The following ACSBG2 variants were observed in gnomAD, a reference collection of about 807,000 sequenced individuals.
The protein encoded by ACSBG2 is acyl-CoA synthetase bubblegum family member 2, also known as long-chain-fatty-acid--CoA ligase ACSBG2.
Under a neutral mutation model 74.7 loss-of-function variants are expected in ACSBG2, and 62 were observed. That is an observed-to-expected ratio of 0.83 (90% CI 0.68 to 1.03). The LOEUF is 1.03. Among genes scored for constraint, ACSBG2 ranks in the 50% least tolerant of loss-of-function variants. The pLI is 0.00. For synonymous variants in ACSBG2, 309 were observed against 294.1 expected (o/e 1.05, Z -0.52); for missense variants, 730 against 817.6 (o/e 0.89, Z 1.31).
At chr19:6,190,545 T>C (rs1600145863) in intron 13 of ACSBG2, 39 bp from the exon 14 acceptor site, 1 of 1,583,756 alleles carries the variant, frequency 6.3e-7, no homozygotes. Flanking sequence ...TAATTTTCTT[T>C]TATCTCCACA....
In ACSBG2 at chr19:6,183,031, A is replaced by C; in HGVS notation, c.1089-8A>C. The C allele has an allele frequency of 6.2e-7, 1 of 1,614,028 alleles. No homozygotes were observed. The highest frequency in any genetic ancestry group is 1.6e-4 in the Middle Eastern group (1 of 6,062). On this transcript the variant is annotated splice_region_variant and splice_polypyrimidine_tract_variant and intron_variant, in intron 9 of 14. Coordinates refer to ENST00000588485, the MANE Select transcript of ACSBG2 (RefSeq NM_030924.5). ...CCCTTCTCCACTTGACGGCATTCTT[A>C]TTCACAGGAAATATAATACTCCCGT...
At chr19:6,156,617 T>G (rs756965347) in intron 5 of ACSBG2, 66 bp downstream of exon 5, 21 of 1,434,972 alleles carry the variant, frequency 1.5e-5, no homozygotes, top group Non-Finnish European at 1.9e-5. Flanking sequence ...TGGGCAGGTG[T>G]TCTTTTTTTC....
chr19:6,165,305 C>A (rs2089759130), intron 6 of ACSBG2, among the ~76,000 whole-genome samples: 1 of 152,154 alleles, frequency 6.6e-6, no homozygotes, highest in Non-Finnish European at 1.5e-5. Context: ...TCTCAGAATT[C>A]CCAGGTAAAG....
intron 4 of ACSBG2, among the ~76,000 whole-genome samples, chr19:6,154,020 C>T (rs1328055764): frequency 1.3e-5 from 2 of 151,852 alleles, no homozygotes; most frequent in East Asian, 1.9e-4. Context: ...ATCTCATCAT[C>T]GAGACTAACA....
chr19:6,153,880 A>AAAGAAAAAAGAAAAG (rs55724971), intron 4 of ACSBG2, among the ~76,000 whole-genome samples: 53,819 of 105,540 alleles, frequency 0.51, 14,898 homozygotes, highest in East Asian at 0.6. Flanking sequence ...AAAGAAAAGA[A>AAAGAAAAAAGAAAAG]AAGGAAAAGA....
chr19:6,138,781 G>A (rs2088701335), intron 1 of ACSBG2, among the ~76,000 whole-genome samples: 1 of 150,886 alleles, frequency 6.6e-6, no homozygotes, highest in African/African-American at 2.4e-5. Context: ...GAGGGAAGAA[G>A]GAAGTAGAAA....
intron 2 of ACSBG2, among the ~76,000 whole-genome samples, 199 bp downstream of exon 2, chr19:6,141,809 C>T (rs1225492004): frequency 6.6e-6 from 1 of 151,836 alleles, no homozygotes; most frequent in Non-Finnish European, 1.5e-5. Flanking sequence ...TCATAGCTCA[C>T]TGCAGCCTTG....
chr19:6,170,789 T>A (rs1406924453), intron 7 of ACSBG2, among the ~76,000 whole-genome samples: 2 of 152,114 alleles, frequency 1.3e-5, no homozygotes, highest in African/African-American at 4.8e-5. Flanking sequence ...AGTCTAGTAT[T>A]TCTTTATTTT....
At chr19:6,177,562 C>T (rs2090121103) in intron 8 of ACSBG2, among the ~76,000 whole-genome samples, 166 bp downstream of exon 8, 1 of 152,094 alleles carries the variant, frequency 6.6e-6, no homozygotes, top group African/African-American at 2.4e-5. Flanking sequence ...AAAAACAAGA[C>T]CAGGCACAGT....
intron 14 of ACSBG2, 116 bp downstream of exon 14, chr19:6,190,808 T>TACAGACAC: frequency 5.2e-6 from 2 of 387,400 alleles, no homozygotes; most frequent in Non-Finnish European, 4.7e-6. Flanking sequence ...CATACACACA[T>TACAGACAC]ACATACACAC....
Position 6,135,781 on chromosome 19 carries a change from G to A in ACSBG2, c.-160G>A, listed in dbSNP as rs75565842. 0.017 allele frequency: 2,633 copies of A among 152,344 alleles called. 79 individuals carry two copies. The highest frequency in any genetic ancestry group is 0.06 in the African/African-American group (2,495 of 41,526). The allele number at this position is 152,344 out of a possible 1,614,324, so 9.4% of individuals were successfully genotyped here. The stretch of plus-strand genomic sequence containing the variant: ...CGGGGGCTGGGAAGGGGCAGCTCAT[G>A]TTCAGGTTTCCAGGAGGGGCTACCT... On this transcript the variant is annotated 5_prime_UTR_variant, in exon 1 of 15. An upstream start codon of the reference 5' UTR is lost. Coordinates refer to ENST00000588485, the MANE Select transcript of ACSBG2 (RefSeq NM_030924.5).
intron 4 of ACSBG2, among the ~76,000 whole-genome samples, chr19:6,153,274 A>G (rs1470886828): frequency 1.3e-5 from 2 of 152,086 alleles, no homozygotes; most frequent in Non-Finnish European, 2.9e-5. Context: ...AAAAAAATTT[A>G]AAATACCAAC....
chr19:6,181,241 G>C (rs1354006422), intron 8 of ACSBG2, among the ~76,000 whole-genome samples: 11 of 115,546 alleles, frequency 9.5e-5, no homozygotes, highest in Non-Finnish European at 1.9e-4. Flanking sequence ...AAAAAAAAAA[G>C]GAAAGGAAAG....
chr19:6,149,663 C>T (rs564143638), intron 3 of ACSBG2, among the ~76,000 whole-genome samples: 3 of 152,224 alleles, frequency 2.0e-5, no homozygotes, highest in South Asian at 4.1e-4. Context: ...GGTGCTGCCA[C>T]GCCCGGCTAA....
intron 13 of ACSBG2, among the ~76,000 whole-genome samples, chr19:6,189,322 T>G (rs552205081): frequency 6.6e-6 from 1 of 152,160 alleles, no homozygotes; most frequent in Non-Finnish European, 1.5e-5. Context: ...TATTTTTGCC[T>G]CTCTTCCCCC....
intron 5 of ACSBG2, chr19:6,160,879 C>A (rs1600070097): frequency 5.7e-6 from 1 of 176,194 alleles, no homozygotes; most frequent in East Asian, 1.6e-4. Context: ...GCGGGGGGAT[C>A]ACCTGGGGTC....
intron 4 of ACSBG2, among the ~76,000 whole-genome samples, chr19:6,152,139 C>T (rs925490956): frequency 4.6e-5 from 7 of 152,150 alleles, no homozygotes; most frequent in Non-Finnish European, 8.8e-5. Context: ...GAAGTGGGTC[C>T]TATCATCCCC....
intron 5 of ACSBG2, among the ~76,000 whole-genome samples, chr19:6,157,280 G>T (rs1043056135): frequency 6.6e-6 from 1 of 152,194 alleles, no homozygotes; most frequent in African/African-American, 2.4e-5. Flanking sequence ...TTTGGGCCAG[G>T]TGTGGTGGTT....
At chr19:6,150,765 G>T (rs2089209413) in intron 3 of ACSBG2, among the ~76,000 whole-genome samples, 1 of 152,146 alleles carries the variant, frequency 6.6e-6, no homozygotes, top group Non-Finnish European at 1.5e-5. Context: ...GAGATGAACA[G>T]TGGTGACGGT....
Sources: gnomAD v4.1 joint callset for allele counts (sites outside exome capture counted in the v4.1 genomes callset) on GRCh38, gnomAD v4.1.1 for gene constraint, MANE v1.5 for transcripts, NCBI Gene and HGNC (gene_info 2026-07-23, HGNC 2026-07-21) for gene names.